MYO3A: variants seen among roughly 807,000 people sequenced by gnomAD.
MYO3A encodes myosin IIIA.
In MYO3A, 180 loss-of-function variants were observed where a neutral mutation model predicts 192.7. That is an observed-to-expected ratio of 0.93 (90% CI 0.83 to 1.06). The LOEUF (loss-of-function observed/expected upper bound fraction) is 1.06, where lower values mean the gene tolerates loss of function less well. MYO3A is among the 50% of genes least tolerant of loss of function. The probability of loss-of-function intolerance (pLI) is 0.00; values close to 1 mark genes in which losing one functional copy is unlikely to be tolerated. For synonymous variants in MYO3A, 628 were observed against 645.3 expected, an observed-to-expected ratio of 0.97 and a Z score of 0.41; for missense variants, 1,896 against 1,905.0, an observed-to-expected ratio of 1.00 and a Z score of 0.09.
chr10:26,174,626 C>A, intron 30 of MYO3A, 69 bp downstream of exon 30: 2 of 1,300,566 alleles, frequency 1.5e-6, no homozygotes, highest in Non-Finnish European at 2.2e-6. Flanking sequence ...GAATTAAACA[C>A]ATAATTAATA....
intron 4 of MYO3A, among the ~76,000 whole-genome samples, chr10:25,978,706 T>G (rs1363068947): frequency 5.3e-5 from 8 of 152,214 alleles, no homozygotes; most frequent in Non-Finnish European, 1.2e-4. Context: ...ATAGATCCTA[T>G]GTAGGAAATT....
At chr10:26,188,549 A>G (rs892965392) in intron 31 of MYO3A, among the ~76,000 whole-genome samples, 1 of 152,136 alleles carries the variant, frequency 6.6e-6, no homozygotes, top group Non-Finnish European at 1.5e-5. Flanking sequence ...TTGGTGTTTT[A>G]GTCATGAATT....
At chr10:26,171,731 G>A (rs1842056458) in intron 29 of MYO3A, among the ~76,000 whole-genome samples, 2 of 152,154 alleles carry the variant, frequency 1.3e-5, no homozygotes. Context: ...GGAGCAGGAG[G>A]CTGGATGATA....
intron 26 of MYO3A, 86 bp from the exon 27 acceptor site, chr10:26,165,981 C>G (rs1456596792): frequency 2.8e-6 from 3 of 1,087,384 alleles, no homozygotes; most frequent in African/African-American, 3.1e-5. Flanking sequence ...TTCCTCAGCC[C>G]CTGCACTAAG....
intron 20 of MYO3A, among the ~76,000 whole-genome samples, chr10:26,141,337 A>G (rs1315012144): frequency 6.6e-6 from 1 of 152,238 alleles, no homozygotes; most frequent in Non-Finnish European, 1.5e-5. Context: ...CATAACTGCT[A>G]TATAATACAT....
At chr10:26,057,169 AG>A (rs1834162820) in intron 10 of MYO3A, among the ~76,000 whole-genome samples, 1 of 152,220 alleles carries the variant, frequency 6.6e-6, no homozygotes, top group Admixed American at 6.5e-5. Flanking sequence ...TAAATAAGGA[AG>A]GGTTCTGTGA....
intron 8 of MYO3A, chr10:26,023,598 C>A (rs1483006058): frequency 9.6e-6 from 2 of 208,934 alleles, no homozygotes; most frequent in Admixed American, 1.1e-4. Flanking sequence ...TACTGTGCGA[C>A]TCCCTGGCAC....
intron 21 of MYO3A, among the ~76,000 whole-genome samples, chr10:26,144,583 C>T (rs528118487): frequency 6.6e-6 from 1 of 152,094 alleles, no homozygotes; most frequent in East Asian, 1.9e-4. Flanking sequence ...AGAAATTCAG[C>T]TGCCTTTAAG....
At chr10:26,207,356 A>T (rs766471943) in intron 34 of MYO3A, among the ~76,000 whole-genome samples, 1 of 152,116 alleles carries the variant, frequency 6.6e-6, no homozygotes, top group Non-Finnish European at 1.5e-5. Context: ...GCAGCATCAC[A>T]TGAGCTAGCC....
At chr10:25,943,768 T>TTGTGTGTGTGTGTGTGTGTG (rs58905708) in intron 2 of MYO3A, among the ~76,000 whole-genome samples, 3 of 142,590 alleles carry the variant, frequency 2.1e-5, no homozygotes, top group East Asian at 2.1e-4. Flanking sequence ...GTTCTAACAT[T>TTGTGTGTGTGTGTGTGTGTG]TGTGTGTGTG....
intron 10 of MYO3A, among the ~76,000 whole-genome samples, chr10:26,057,518 A>G (rs1242593008): frequency 6.6e-6 from 1 of 152,228 alleles, no homozygotes; most frequent in Non-Finnish European, 1.5e-5. Context: ...TTTCCATTGA[A>G]GAAAAGGGAA....
intron 14 of MYO3A, among the ~76,000 whole-genome samples, chr10:26,072,749 A>G (rs1025083795): frequency 1.3e-5 from 2 of 152,044 alleles, no homozygotes; most frequent in African/African-American, 4.8e-5. Flanking sequence ...GAGCAACTGG[A>G]ATGCTCATAT....
At position 26,166,298 on chromosome 10, in the gene MYO3A, A is replaced by C. The variant is rs1589066026; in HGVS notation, c.3111+120A>C. 19 of 869,724 alleles carry C rather than the reference A, an allele frequency of 2.2e-5. No individual in the cohort carries two copies. The South Asian group carries it at 2.7e-4, about 12-fold the overall frequency. 53.9% of individuals were successfully genotyped at this position (869,724 alleles called of 1,614,324 possible). On this transcript the variant is annotated intron_variant, in intron 27 of 34. Coordinates refer to ENST00000642920, the MANE Select transcript of MYO3A (RefSeq NM_017433.5). ...TATGTTATAGAATCTATAACTTACA[A>C]TAGAGGAAGTAAAGTTATAAACTCA...
intron 10 of MYO3A, among the ~76,000 whole-genome samples, chr10:26,030,181 T>C (rs1996715): frequency 0.14 from 21,746 of 152,130 alleles, 1,823 homozygotes; most frequent in East Asian, 0.35. Flanking sequence ...GTTCCTTTAC[T>C]CTCCAGGCCT....
intron 24 of MYO3A, 42 bp from the exon 25 acceptor site, chr10:26,154,704 C>T (rs1445278528): frequency 1.2e-5 from 18 of 1,562,164 alleles, no homozygotes; most frequent in East Asian, 2.2e-5. Flanking sequence ...TAATAAAGTA[C>T]AATAGATACC....
At chr10:26,016,347 A>C (rs1013258437) in intron 6 of MYO3A, among the ~76,000 whole-genome samples, 2 of 152,190 alleles carry the variant, frequency 1.3e-5, no homozygotes, top group Admixed American at 6.6e-5. Flanking sequence ...ATGGAAAATA[A>C]TTTTATGAAG....
chr10:26,021,771 C>A (rs1842321875), intron 8 of MYO3A, 123 bp downstream of exon 8: 4 of 1,310,126 alleles, frequency 3.1e-6, no homozygotes, highest in Non-Finnish European at 4.4e-6. Context: ...AGCAGAAGAT[C>A]CTGGAATATT....
chr10:26,189,926 A>G (rs1167113998), intron 31 of MYO3A, among the ~76,000 whole-genome samples: 3 of 152,010 alleles, frequency 2.0e-5, no homozygotes, highest in African/African-American at 7.2e-5. Flanking sequence ...ATCTGGGCGC[A>G]GTGGCAAGCA....
At chr10:26,066,914 A>G (rs1365174470) in intron 10 of MYO3A, 61 bp from the exon 11 acceptor site, 1 of 1,197,118 alleles carries the variant, frequency 8.4e-7, no homozygotes, top group Non-Finnish European at 1.2e-6. Flanking sequence ...TATGTATCTA[A>G]AACTTTTTTC....
Sources: gnomAD v4.1 joint callset for allele counts (sites outside exome capture counted in the v4.1 genomes callset) on GRCh38, gnomAD v4.1.1 for gene constraint, MANE v1.5 for transcripts, NCBI Gene and HGNC (gene_info 2026-07-23, HGNC 2026-07-21) for gene names.